The following ADSS1 variants were observed in gnomAD, a reference collection of about 807,000 sequenced individuals.
ADSS1 encodes adenylosuccinate synthase 1, also known as adenylosuccinate synthetase isozyme 1.
Under a neutral mutation model 59.1 loss-of-function variants are expected in ADSS1, and 57 were observed. The observed-to-expected ratio is 0.97, with a 90% CI of 0.78 to 1.20. The LOEUF (loss-of-function observed/expected upper bound fraction) is 1.20, where lower values mean the gene tolerates loss of function less well. Ranked by LOEUF, ADSS1 falls within the 50% of genes most tolerant of loss-of-function variation. ADSS1 has a pLI of 0.00. For missense variants in ADSS1, 603 were observed against 610.3 expected (o/e 0.99, Z 0.13); for synonymous variants, 247 against 249.4 (o/e 0.99, Z 0.09).
chr14:104,729,128 C>A (rs780137167), intron 1 of ADSS1, among the ~76,000 whole-genome samples: 1 of 152,122 alleles, frequency 6.6e-6, no homozygotes, highest in Non-Finnish European at 1.5e-5. Context: ...CCTTGGGAAC[C>A]CTGGGCCAAG....
chr14:104,734,417 A>C (rs1253059263), intron 1 of ADSS1, among the ~76,000 whole-genome samples: 1 of 152,268 alleles, frequency 6.6e-6, no homozygotes, highest in Admixed American at 6.5e-5. Context: ...GGCGTGGCAC[A>C]GTTTGCTTGT....
chr14:104,742,122 A>C, intron 9 of ADSS1, 120 bp downstream of exon 9: 1 of 1,392,348 alleles, frequency 7.2e-7, no homozygotes, highest in South Asian at 1.3e-5. Context: ...CCATCTCCCC[A>C]TCTCCCACCA....
chr14:104,744,546 C>G (rs1425808589), intron 10 of ADSS1: 1 of 413,150 alleles, frequency 2.4e-6, no homozygotes, highest in African/African-American at 2.0e-5. Context: ...GCCTAGATCC[C>G]TCGCATGCAC....
rs1256514649 is a variant in ADSS1, at chr14:104,740,172, A to G, written c.476+356A>G. On this transcript the variant is annotated intron_variant, in intron 5 of 12. Coordinates refer to ENST00000330877, the MANE Select transcript of ADSS1 (RefSeq NM_152328.5). This position sits in a 1 kb window ranked among gnomAD's most constrained non-coding sequence, Gnocchi z 4.8. Reference sequence around the variant, plus strand: ...GTTTAGTAGAACCTCAGATGTGCCAAGGACACAGGAGTGAAGCAGATGAGT... The same window carrying G: ...GTTTAGTAGAACCTCAGATGTGCCAGGGACACAGGAGTGAAGCAGATGAGT... Among the ~76,000 whole-genome samples the G allele has an allele frequency of 6.6e-6, 1 of 152,178 alleles. No homozygotes were observed. Among genetic ancestry groups the G allele is most frequent in the Non-Finnish European group, 1.5e-5 (1 of 68,032 alleles).
intron 1 of ADSS1, among the ~76,000 whole-genome samples, chr14:104,729,478 T>A (rs1196787245): frequency 2.1e-5 from 3 of 144,506 alleles, no homozygotes; most frequent in Non-Finnish European, 3.0e-5. Context: ...CAGCATGGCG[T>A]CGGCGTGGGA....
chr14:104,729,341 G>A (rs992957728), intron 1 of ADSS1, among the ~76,000 whole-genome samples: 2 of 152,208 alleles, frequency 1.3e-5, no homozygotes, highest in Non-Finnish European at 2.9e-5. Context: ...GACGATGGCT[G>A]CAGGGCAAGG....
intron 9 of ADSS1, among the ~76,000 whole-genome samples, 192 bp downstream of exon 9, chr14:104,742,194 TC>T (rs1891390731): frequency 6.6e-6 from 1 of 152,220 alleles, no homozygotes; most frequent in Non-Finnish European, 1.5e-5. Flanking sequence ...GTGGGCCTGT[TC>T]CCACGGCCAC....
Position 104,739,341 on chromosome 14 carries a change from G to C in ADSS1, c.372G>C (p.Trp124Cys), listed in dbSNP as rs141465951. The C allele has an allele frequency of 1.4e-4, 232 of 1,609,174 alleles. No individual in the cohort carries two copies. In the African/African-American group the frequency reaches 2.9e-3, roughly 20 times the overall value. ...GTGTCCCCGCAGGCCTGAAGGACTG[G>C]GAGAAGAGGCTCATCATCTCTGACA... ...EKNEKKGLKD[W>C]EKRLIISDRA... The change falls in exon 4 of 13, where the codon TGG becomes TGC. Residue 124 changes from tryptophan to cysteine, a missense_variant. Trp to Cys is a radical substitution (Grantham distance 215). Transcript: ENST00000330877.
chr14:104,728,181 C>T lies in ADSS1; in HGVS notation c.192+3719C>T, dbSNP rs868382313. Among the ~76,000 whole-genome samples the T allele has an allele frequency of 5.3e-5, 8 of 152,274 alleles. No homozygotes were observed. The East Asian group carries it at 7.7e-4, about 15-fold the overall frequency. On this transcript the variant is annotated intron_variant, in intron 1 of 12. Transcript: ENST00000330877. ...CCCTTTCCAAGGGGCCATCAGGTAA[C>T]GCTTTGCCTTAGGCTCCAGGGTGCA...
Position 104,724,231 on chromosome 14 carries a change from G to A in ADSS1, c.-40G>A, listed in dbSNP as rs1397261916. The A allele has an allele frequency of 5.2e-5, 64 of 1,220,768 alleles. No individual in the cohort carries two copies. The highest frequency in any genetic ancestry group is 6.5e-5 in the Non-Finnish European group (64 of 980,454). The allele number at this position is 1,220,768 out of a possible 1,614,324, so 75.6% of individuals were successfully genotyped here. A position where few individuals can be genotyped will look rare whatever the true frequency, so the allele number is the denominator to read the frequency against. On this transcript the variant is annotated 5_prime_UTR_variant, in exon 1 of 13. Transcript: ENST00000330877. Reference sequence around the variant, plus strand: ...ATGGCGCGGACGCCGGCGGCGGCGGGCTCCTGGCCGGGCCAGCGCAGCGGA... The same window carrying A: ...ATGGCGCGGACGCCGGCGGCGGCGGACTCCTGGCCGGGCCAGCGCAGCGGA...
chr14:104,746,078 G>T, intron 11 of ADSS1, 158 bp from the exon 12 acceptor site: 1 of 912,208 alleles, frequency 1.1e-6, no homozygotes. Context: ...CCAACACTGA[G>T]AAAATCAAAC....
intron 1 of ADSS1, among the ~76,000 whole-genome samples, chr14:104,727,838 G>A (rs538399793): frequency 6.6e-6 from 1 of 152,326 alleles, no homozygotes; most frequent in Non-Finnish European, 1.5e-5. Context: ...GGGCTCCAGC[G>A]CGCCCTGGTC....
At chr14:104,744,707 G>A in intron 10 of ADSS1, 105 bp from the exon 11 acceptor site, 1 of 1,073,386 alleles carries the variant, frequency 9.3e-7, no homozygotes, top group Non-Finnish European at 1.4e-6. Context: ...AGGGACTGGG[G>A]ACCCCTGCTG....
chr14:104,740,965 A>C lies in ADSS1; in HGVS notation c.666+45A>C. On this transcript the variant is annotated intron_variant, in intron 7 of 12. Coordinates refer to ENST00000330877, the MANE Select transcript of ADSS1 (RefSeq NM_152328.5). The surrounding 1 kb of genome is among the most constrained non-coding windows in gnomAD (Gnocchi z 4.8). ...GTGGGGGCTGCGGAAGTGCTCCTCC[A>C]GGGAGGCTGGATGTCCTACCTGGTG... The C allele has an allele frequency of 6.2e-7, 1 of 1,612,688 alleles. No individual in the cohort carries two copies. Among genetic ancestry groups the C allele is most frequent in the Non-Finnish European group, 8.5e-7 (1 of 1,179,094 alleles).
In ADSS1 at chr14:104,725,457, C is replaced by G. The variant is rs571577454; in HGVS notation, c.192+995C>G. 7.2e-5 allele frequency among the ~76,000 whole-genome samples: 11 copies of G among 152,326 alleles called. No individual in the cohort carries two copies. In the South Asian group the frequency reaches 2.3e-3, roughly 32 times the overall value. On this transcript the variant is annotated intron_variant, in intron 1 of 12. Transcript: ENST00000330877. The stretch of plus-strand genomic sequence containing the variant: ...GTTCTGTGGCCTCCTTCCTGAGCTC[C>G]AGAGAGGAGGGCTGGGGCCCAAGAC...
intron 11 of ADSS1, 147 bp from the exon 12 acceptor site, chr14:104,746,089 T>G (rs555641615): frequency 7.9e-6 from 8 of 1,013,310 alleles, no homozygotes; most frequent in South Asian, 6.6e-5. Context: ...AAAATCAAAC[T>G]GGGCCACGTG....
intron 10 of ADSS1, chr14:104,743,561 G>C (rs560774379): frequency 1.9e-4 from 43 of 231,198 alleles, no homozygotes; most frequent in Admixed American, 2.8e-4. Flanking sequence ...TGAGGCATCC[G>C]CTCTGCAGGC....
At chr14:104,742,340 T>C (rs556434557) in intron 9 of ADSS1, among the ~76,000 whole-genome samples, 3 of 152,362 alleles carry the variant, frequency 2.0e-5, no homozygotes, top group South Asian at 4.1e-4. Flanking sequence ...GGGTAGCTGG[T>C]GGACTCACCT....
At chr14:104,730,360 G>A (rs1890877623) in intron 1 of ADSS1, 1 of 900,730 alleles carries the variant, frequency 1.1e-6, no homozygotes, top group Non-Finnish European at 1.6e-6. Context: ...CATGCTGGTG[G>A]GCGCCTGTAG....
Sources: gnomAD v4.1 joint callset for allele counts (sites outside exome capture counted in the v4.1 genomes callset) on GRCh38, gnomAD v4.1.1 for gene constraint, Gnocchi (gnomAD v3.1) non-coding constraint, MANE v1.5 for transcripts, NCBI Gene and HGNC (gene_info 2026-07-23, HGNC 2026-07-21) for gene names.